Variants in NEXMIF observed in about 807,000 individuals in gnomAD.
NEXMIF encodes the protein XLMR protein related to neurite extension.
In NEXMIF, 8 loss-of-function variants were observed where a neutral mutation model predicts 62.1. The observed-to-expected ratio is 0.13, with a 90% CI of 0.08 to 0.23. The LOEUF (loss-of-function observed/expected upper bound fraction) is 0.23. NEXMIF is among the 10% of genes least tolerant of loss of function. The pLI is 1.00. For synonymous variants in NEXMIF, 404 were observed against 416.6 expected (o/e 0.97, Z 0.37); for missense variants, 976 against 1,113.3 (o/e 0.88, Z 1.75).
intron 1 of NEXMIF, among the ~76,000 whole-genome samples, chrX:74,881,687 C>CTACCCATTAGAAGCCAGTAGCA (rs1569361847): frequency 8.9e-6 from 1 of 112,245 alleles, no homozygotes; most frequent in African/African-American, 3.2e-5. Flanking sequence ...TGCCAAATGT[C>CTACCCATTAGAAGCCAGTAGCA]CTAAATGGCA....
intron 1 of NEXMIF, among the ~76,000 whole-genome samples, chrX:74,833,389 T>C (rs1301804731): frequency 8.9e-6 from 1 of 112,174 alleles, no homozygotes; most frequent in Non-Finnish European, 1.9e-5. Context: ...AGAGTGTTTA[T>C]AGCTATTCCT....
intron 1 of NEXMIF, among the ~76,000 whole-genome samples, chrX:74,820,055 G>A (rs916248117): frequency 9.0e-6 from 1 of 110,938 alleles, no homozygotes; most frequent in African/African-American, 3.3e-5. Flanking sequence ...GATGAAGCTG[G>A]AAACCATCAT....
rs2080102997 is a variant in NEXMIF, at chrX:74,741,439, T to C, written c.3118A>G (p.Ile1040Val). The change falls in exon 3 of 4, where the codon ATT becomes GTT. Residue 1040 changes from isoleucine (I) to valine (V), a missense_variant. Transcript: ENST00000055682. The part of the protein sequence containing the change: ...CSPKLVIQQS[I>V]DEIAPLKEST... ...TCCTTTAGTGGTGCTATCTCATCAA[T>C]GCTTTGCTGGATCACCAGCTTAGGG... The C allele has an allele frequency of 1.1e-5, 13 of 1,209,837 alleles. No individual in the cohort carries two copies. Among genetic ancestry groups the C allele is most frequent in the Non-Finnish European group, 1.5e-5 (13 of 895,261 alleles).
chrX:74,863,318 G>A (rs1368440394), intron 1 of NEXMIF, among the ~76,000 whole-genome samples: 2 of 110,860 alleles, frequency 1.8e-5, no homozygotes, highest in Non-Finnish European at 3.8e-5. Flanking sequence ...ACAAAAAACT[G>A]TTCAAACAAT....
At chrX:74,916,760 A>G (rs1354160904) in intron 1 of NEXMIF, among the ~76,000 whole-genome samples, 1 of 112,186 alleles carries the variant, frequency 8.9e-6, no homozygotes, top group East Asian at 2.8e-4. Context: ...GACATTTACC[A>G]AGGGGTAGAA....
At chrX:74,884,869 A>T (rs1419298144) in intron 1 of NEXMIF, among the ~76,000 whole-genome samples, 1 of 111,807 alleles carries the variant, frequency 8.9e-6, no homozygotes. Flanking sequence ...CACCACACCT[A>T]TTCCAAAACT....
chrX:74,875,785 G>A (rs1390812241), intron 1 of NEXMIF, among the ~76,000 whole-genome samples: 3 of 111,801 alleles, frequency 2.7e-5, no homozygotes, highest in Admixed American at 9.5e-5. Context: ...TTTGTGTAGA[G>A]GTGTTTGTAG....
intron 1 of NEXMIF, among the ~76,000 whole-genome samples, chrX:74,863,354 C>CA (rs1299128090): frequency 3.6e-5 from 4 of 109,749 alleles, no homozygotes; most frequent in Non-Finnish European, 5.7e-5. Context: ...CTGGTTTCTT[C>CA]AAAAAAATAA....
intron 1 of NEXMIF, among the ~76,000 whole-genome samples, chrX:74,766,932 G>C (rs897667170): frequency 8.9e-5 from 10 of 111,913 alleles, no homozygotes; most frequent in Non-Finnish European, 1.7e-4. Flanking sequence ...GCAGTCCTAG[G>C]TCGAGTGGCC....
chrX:74,890,381 G>T (rs763074366), intron 1 of NEXMIF, among the ~76,000 whole-genome samples: 38 of 110,842 alleles, frequency 3.4e-4, no homozygotes, highest in African/African-American at 6.6e-5. Flanking sequence ...AAAAGGCCAA[G>T]AAAACCCAAT....
In NEXMIF at chrX:74,740,939, CTTG is replaced by C. The variant is rs747035793; in HGVS notation, c.3615_3617del (p.Asn1205del). ...TTTTGCCAGGTGGTTTTTCAATCCC[CTTG>C]TTGTTACCTTTGAGGGATTTTTTCC... On this transcript the variant is annotated inframe_deletion, in exon 3 of 4. Transcript: ENST00000055682. 9 of 1,211,787 alleles carry C rather than the reference CTTG, an allele frequency of 7.4e-6. No individual in the cohort carries two copies. The Admixed American group carries it at 1.7e-4, about 23-fold the overall frequency.
At chrX:74,799,150 C>A (rs2080321544) in intron 1 of NEXMIF, among the ~76,000 whole-genome samples, 2 of 111,239 alleles carry the variant, frequency 1.8e-5, no homozygotes, top group African/African-American at 6.5e-5. Context: ...CAGGCATGAG[C>A]CATCACACCT....
At chrX:74,913,839 C>T (rs2080798446) in intron 1 of NEXMIF, among the ~76,000 whole-genome samples, 1 of 111,248 alleles carries the variant, frequency 9.0e-6, no homozygotes, top group Non-Finnish European at 1.9e-5. Flanking sequence ...AATGGGAAAT[C>T]AATAAATTCT....
chrX:74,795,111 C>T (rs2080302128), intron 1 of NEXMIF, among the ~76,000 whole-genome samples: 1 of 112,033 alleles, frequency 8.9e-6, no homozygotes, highest in Admixed American at 9.5e-5. Flanking sequence ...ACATACTCAA[C>T]CCAGACTTCT....
chrX:74,836,419 G>A (rs886661346), intron 1 of NEXMIF, among the ~76,000 whole-genome samples: 1 of 112,216 alleles, frequency 8.9e-6, no homozygotes, highest in Non-Finnish European at 1.9e-5. Flanking sequence ...TGGTCAGAAC[G>A]TCTTAGAACC....
chrX:74,893,748 C>T (rs935327692), intron 1 of NEXMIF, among the ~76,000 whole-genome samples: 1 of 111,910 alleles, frequency 8.9e-6, no homozygotes, highest in South Asian at 3.7e-4. Flanking sequence ...AGACGCTTTG[C>T]AGAAATTATA....
At chrX:74,875,899 G>C (rs970811516) in intron 1 of NEXMIF, among the ~76,000 whole-genome samples, 4 of 109,948 alleles carry the variant, frequency 3.6e-5, no homozygotes, top group Non-Finnish European at 5.7e-5. Flanking sequence ...TTCCTTATTA[G>C]TCTTGCTAGT....
At chrX:74,795,082 A>G (rs1429278140) in intron 1 of NEXMIF, among the ~76,000 whole-genome samples, 1 of 112,121 alleles carries the variant, frequency 8.9e-6, no homozygotes, top group Non-Finnish European at 1.9e-5. Context: ...AGGAACAGAT[A>G]TTCTACTGCA....
At chrX:74,827,030 T>C (rs2080420631) in intron 1 of NEXMIF, among the ~76,000 whole-genome samples, 1 of 112,055 alleles carries the variant, frequency 8.9e-6, no homozygotes, top group Non-Finnish European at 1.9e-5. Context: ...CACTACAGAC[T>C]ATAGCTTCTA....
Sources: gnomAD v4.1 joint callset for allele counts (sites outside exome capture counted in the v4.1 genomes callset) on GRCh38, gnomAD v4.1.1 for gene constraint, MANE v1.5 for transcripts, NCBI Gene and HGNC (gene_info 2026-07-23, HGNC 2026-07-21) for gene names.